Variants in RBFOX1 observed in about 807,000 individuals in gnomAD.
The protein encoded by RBFOX1 is RNA binding protein fox-1 homolog 1.
RBFOX1 carries 8 observed loss-of-function variants against 57.7 expected under a neutral mutation model. The ratio of observed to expected loss-of-function variants is 0.14; its 90% CI spans 0.08 to 0.25. The LOEUF is 0.25. Among genes scored for constraint, RBFOX1 ranks in the 10% least tolerant of loss-of-function variants. The pLI is 1.00. For missense variants in RBFOX1, 611 were observed against 548.5 expected (o/e 1.11, Z -1.14); for synonymous variants, 326 against 222.4 (o/e 1.47, Z -4.15).
intron 3 of RBFOX1, among the ~76,000 whole-genome samples, chr16:5,759,876 G>T (rs1008785848): frequency 1.3e-5 from 2 of 151,908 alleles, no homozygotes; most frequent in African/African-American, 4.8e-5. Flanking sequence ...TTGATCAAAC[G>T]GCCTTAATGC....
At chr16:5,544,609 C>G (rs987211400) in intron 2 of RBFOX1, among the ~76,000 whole-genome samples, 1 of 152,020 alleles carries the variant, frequency 6.6e-6, no homozygotes. Flanking sequence ...ACAGCTAGTT[C>G]TTTGGGAAGA....
intron 1 of RBFOX1, among the ~76,000 whole-genome samples, chr16:6,049,076 CT>C (rs2095524980): frequency 1.2e-5 from 1 of 85,464 alleles, no homozygotes; most frequent in African/African-American, 4.7e-5. Context: ...TTTTTTTTTC[CT>C]TTTTTGAGAC....
chr16:5,371,840 C>G (rs972543494), intron 1 of RBFOX1, among the ~76,000 whole-genome samples: 1 of 152,158 alleles, frequency 6.6e-6, no homozygotes, highest in African/African-American at 2.4e-5. Flanking sequence ...AAATAAACTT[C>G]TCCTGTGTTT....
intron 4 of RBFOX1, among the ~76,000 whole-genome samples, chr16:7,281,289 C>G (rs1332573237): frequency 6.6e-6 from 1 of 151,726 alleles, no homozygotes; most frequent in Non-Finnish European, 1.5e-5. Flanking sequence ...AGGCGTGAGC[C>G]ACCGTGCCCA....
intron 2 of RBFOX1, among the ~76,000 whole-genome samples, chr16:6,440,022 C>T (rs917315199): frequency 8.3e-5 from 12 of 145,182 alleles, no homozygotes; most frequent in African/African-American, 3.1e-4. Context: ...CTGCAACTTC[C>T]TTCTCCTGGG....
chr16:6,757,229 C>G (rs147043709), intron 3 of RBFOX1, among the ~76,000 whole-genome samples: 3 of 151,962 alleles, frequency 2.0e-5, no homozygotes, highest in Non-Finnish European at 4.4e-5. Context: ...ATAGGGAAAA[C>G]AATACAGAGG....
chr16:7,295,187 A>G (rs922264527), intron 4 of RBFOX1, among the ~76,000 whole-genome samples: 1 of 152,186 alleles, frequency 6.6e-6, no homozygotes. Context: ...TAGCAAGGTT[A>G]AATAAATTGT....
intron 2 of RBFOX1, among the ~76,000 whole-genome samples, chr16:6,603,555 C>T (rs558169309): frequency 4.7e-4 from 72 of 152,318 alleles, no homozygotes; most frequent in South Asian, 3.9e-3. Context: ...CCCCACTCCA[C>T]ACTCCATGAT....
chr16:6,285,431 A>G (rs2076801841), intron 1 of RBFOX1, among the ~76,000 whole-genome samples: 2 of 152,144 alleles, frequency 1.3e-5, no homozygotes, highest in African/African-American at 4.8e-5. Flanking sequence ...GAGTATTTCT[A>G]AGTTTATGGG....
intron 4 of RBFOX1, among the ~76,000 whole-genome samples, chr16:7,359,983 C>CA (rs201081840): frequency 0.24 from 33,654 of 141,852 alleles, 4,023 homozygotes; most frequent in African/African-American, 0.32. Flanking sequence ...GACTCTGTCT[C>CA]AAAAAAAAAC....
At chr16:6,612,002 T>C (rs77757637) in intron 2 of RBFOX1, among the ~76,000 whole-genome samples, 3 of 151,858 alleles carry the variant, frequency 2.0e-5, no homozygotes, top group East Asian at 2.0e-4. Context: ...CCGAGTCCCC[T>C]TGATGAAAAA....
chr16:5,567,910 A>T (rs2046130655), intron 2 of RBFOX1, among the ~76,000 whole-genome samples: 2 of 152,226 alleles, frequency 1.3e-5, no homozygotes, highest in Admixed American at 1.3e-4. Flanking sequence ...TGAGGCTTAG[A>T]GAAGGTAAGT....
At chr16:7,199,903 A>T (rs989752174) in intron 4 of RBFOX1, among the ~76,000 whole-genome samples, 5 of 147,706 alleles carry the variant, frequency 3.4e-5, no homozygotes, top group African/African-American at 1.3e-4. Context: ...TCAAAAAAAC[A>T]AAACAAAACA....
intron 4 of RBFOX1, among the ~76,000 whole-genome samples, chr16:7,165,911 C>T (rs1266697029): frequency 6.8e-6 from 1 of 147,702 alleles, no homozygotes; most frequent in Non-Finnish European, 1.5e-5. Context: ...TCTCTTGCCC[C>T]CTGCACCCCA....
intron 2 of RBFOX1, among the ~76,000 whole-genome samples, chr16:6,329,148 A>G (rs908172891): frequency 6.6e-6 from 1 of 152,134 alleles, no homozygotes; most frequent in African/African-American, 2.4e-5. Flanking sequence ...AGTTATTTCA[A>G]GTGCTGAATT....
At chr16:7,197,902 G>C (rs758553438) in intron 4 of RBFOX1, among the ~76,000 whole-genome samples, 1 of 151,876 alleles carries the variant, frequency 6.6e-6, no homozygotes, top group African/African-American at 2.4e-5. Flanking sequence ...GGGTTGCCAA[G>C]GGAGCAGGAA....
At chr16:6,934,386 A>G (rs764853120) in intron 3 of RBFOX1, among the ~76,000 whole-genome samples, 2 of 152,192 alleles carry the variant, frequency 1.3e-5, no homozygotes, top group Non-Finnish European at 1.5e-5. Context: ...CATGCAGAGA[A>G]TATGTCATGA....
At chr16:7,233,332 G>C (rs941765989) in intron 4 of RBFOX1, among the ~76,000 whole-genome samples, 6 of 151,646 alleles carry the variant, frequency 4.0e-5, no homozygotes. Context: ...AATTATCCCA[G>C]CTCTTCTATA....
rs71147612 is a variant in RBFOX1 at position 6,855,652 on chromosome 16, CA to C, written c.-15-196389del. On this transcript the variant is annotated intron_variant, in intron 3 of 15. Transcript: ENST00000550418. The stretch of plus-strand genomic sequence containing the variant: ...TGGGCAACAGAGTGAGACTCCATCT[CA>C]AAAAAAAAAAAAAAAGATCTTTTAA... Among the ~76,000 whole-genome samples, 63 of 129,024 alleles carry C rather than the reference CA, an allele frequency of 4.9e-4. 1 individual carries two copies. The highest frequency in any genetic ancestry group is 7.9e-4 in the South Asian group (3 of 3,776). 84.6% of individuals were successfully genotyped at this position (129,024 alleles called of 152,430 possible). A position where few individuals can be genotyped will look rare whatever the true frequency, so the allele number is the denominator to read the frequency against.
Sources: gnomAD v4.1 joint callset for allele counts (sites outside exome capture counted in the v4.1 genomes callset) on GRCh38, gnomAD v4.1.1 for gene constraint, MANE v1.5 for transcripts, NCBI Gene and HGNC (gene_info 2026-07-23, HGNC 2026-07-21) for gene names.